Variants in SLITRK1 observed in about 807,000 individuals in gnomAD.
SLITRK1 encodes the protein SLIT and NTRK-like protein 1.
Under a neutral mutation model 42.4 loss-of-function variants are expected in SLITRK1, and 10 were observed. The ratio of observed to expected loss-of-function variants is 0.24; its 90% CI spans 0.15 to 0.40. The LOEUF (loss-of-function observed/expected upper bound fraction) is 0.40, where lower values mean the gene tolerates loss of function less well. SLITRK1 is among the 10% of genes least tolerant of loss of function. SLITRK1 has a pLI of 1.00. For synonymous variants in SLITRK1, 389 were observed against 365.7 expected (o/e 1.06, Z -0.73); for missense variants, 778 against 848.8 (o/e 0.92, Z 1.04).
rs1358534316 is a variant in SLITRK1, at chr13:83,879,927, G to A, written c.1581C>T (p.His527=). 6.2e-7 allele frequency: 1 copy of A among 1,613,982 alleles called. No individual in the cohort carries two copies. Among genetic ancestry groups the A allele is most frequent in the Non-Finnish European group, 8.5e-7 (1 of 1,180,040 alleles). Residue 527 remains histidine (H), a synonymous_variant, in exon 2 of 2, where the codon CAC becomes CAT. Transcript: ENST00000674365. ...TGCAGGAGCACTCCCAGGGGTTTCC[G>A]TGGAGGTCTATCTGGATGATGGAGG... ...QLTSIIQIDL[H]GNPWECSCTI...
In SLITRK1 at chr13:83,879,648, C is replaced by T. The variant is rs1186130397; in HGVS notation, c.1860G>A (p.Leu620=). ...CAAACACCAGCAGCAGTCCCGGGACCAACACCGAGATGGACACCCTGCTGG... is the reference window on the plus strand; with the variant it reads ...CAAACACCAGCAGCAGTCCCGGGACTAACACCGAGATGGACACCCTGCTGG... The part of the protein sequence containing the change: ...LDTSRVSISV[L]VPGLLLVFVT... Residue 620 remains leucine, a synonymous_variant, in exon 2 of 2, where the codon TTG becomes TTA. Coordinates refer to ENST00000674365, the MANE Select transcript of SLITRK1 (RefSeq NM_001281503.2). The T allele has an allele frequency of 6.2e-7, 1 of 1,613,102 alleles. No individual in the cohort carries two copies. The highest frequency in any genetic ancestry group is 1.3e-5 in the African/African-American group (1 of 74,612).
chr13:83,880,224 T>C lies in SLITRK1; in HGVS notation c.1284A>G (p.Leu428=), dbSNP rs200924568. 11 of 1,614,094 alleles carry C rather than the reference T, an allele frequency of 6.8e-6. No homozygotes were observed. The East Asian group carries it at 1.6e-4, about 23-fold the overall frequency. The change falls in exon 2 of 2, where the codon CTA becomes CTG. Residue 428 remains leucine, a synonymous_variant. Transcript: ENST00000674365. ...TFKNLLDLRW[L]YMDSNYLDTL... is the part of the protein sequence containing the mutation. Reference sequence around the variant, plus strand: ...TGTCCAGGTAATTGCTATCCATGTATAGCCACCTGAGGTCCAAAAGGTTCT... The same window carrying C: ...TGTCCAGGTAATTGCTATCCATGTACAGCCACCTGAGGTCCAAAAGGTTCT...
rs1215322549 is a variant in SLITRK1 at position 83,878,131 on chromosome 13, T to C, written c.*1286A>G. 2 of 152,314 alleles carry C rather than the reference T, an allele frequency of 1.3e-5. No homozygotes were observed. Among genetic ancestry groups the C allele is most frequent in the African/African-American group, 4.8e-5 (2 of 41,418 alleles). The allele number at this position is 152,314 out of a possible 1,614,324, so 9.4% of individuals were successfully genotyped here. On this transcript the variant is annotated 3_prime_UTR_variant, in exon 2 of 2. Coordinates refer to ENST00000674365, the MANE Select transcript of SLITRK1 (RefSeq NM_001281503.2). ...AAGGCGATTAGAGAAAGAGCCTTAATGTAGCTCAGGAAGGGATCTAACCCC... is the reference window on the plus strand; with the variant it reads ...AAGGCGATTAGAGAAAGAGCCTTAACGTAGCTCAGGAAGGGATCTAACCCC...
rs1447185569 is a variant in SLITRK1, at chr13:83,878,727, C to T, written c.*690G>A. ...GTTAACTTATGCTCTGAACTGCCTA[C>T]CGATCACAAATAATGGCGAAATGGC... On this transcript the variant is annotated 3_prime_UTR_variant, in exon 2 of 2. Coordinates refer to ENST00000674365, the MANE Select transcript of SLITRK1 (RefSeq NM_001281503.2). The T allele has an allele frequency of 6.5e-6, 1 of 152,710 alleles. No individual in the cohort carries two copies. Among genetic ancestry groups the T allele is most frequent in the Non-Finnish European group, 1.5e-5 (1 of 68,204 alleles). 9.5% of individuals were successfully genotyped at this position (152,710 alleles called of 1,614,324 possible). A position where few individuals can be genotyped will look rare whatever the true frequency, so the allele number is the denominator to read the frequency against.
rs1321481353 is a variant in SLITRK1 at position 83,880,206 on chromosome 13, G to A, written c.1302C>T (p.Tyr434=). 6.2e-7 allele frequency: 1 copy of A among 1,614,060 alleles called. No homozygotes were observed. Among genetic ancestry groups the A allele is most frequent in the Non-Finnish European group, 8.5e-7 (1 of 1,180,020 alleles). The stretch of plus-strand genomic sequence containing the variant: ...ATTTCTCCCGGGACAGCGTGTCCAG[G>A]TAATTGCTATCCATGTATAGCCACC... ...DLRWLYMDSN[Y]LDTLSREKFA... The change falls in exon 2 of 2, where the codon TAC becomes TAT. Residue 434 remains tyrosine, a synonymous_variant. Transcript: ENST00000674365.
Position 83,880,810 on chromosome 13 carries a change from T to A in SLITRK1, c.698A>T (p.Asn233Ile). 1 of 1,614,150 alleles carries A rather than the reference T, an allele frequency of 6.2e-7. No individual in the cohort carries two copies. The highest frequency in any genetic ancestry group is 8.5e-7 in the Non-Finnish European group (1 of 1,180,032). Residue 233 changes from asparagine to isoleucine, a missense_variant, in exon 2 of 2, where the codon AAT becomes ATT. Coordinates refer to ENST00000674365, the MANE Select transcript of SLITRK1 (RefSeq NM_001281503.2). ...LKEWLENIPK[N>I]ALIGRVVCEA... ...GCAGACCACTCGGCCGATCAGGGCA[T>A]TCTTGGGAATGTTTTCCAGCCATTC...
chr13:83,881,581 T>C, intron 1 of SLITRK1, 21 bp from the exon 2 acceptor site: 1 of 1,366,308 alleles, frequency 7.3e-7, no homozygotes. Context: ...CAGACACAAT[T>C]CAAGTTCATT....
chr13:83,879,608 T>A lies in SLITRK1; in HGVS notation c.1900A>T (p.Thr634Ser). ...LLLVFVTSAF[T>S]VVGMLVFILR... ...ATAAACACGAGCATGCCCACCACGG[T>A]GAAGGCGGAGGTGACAAACACCAGC... Residue 634 changes from threonine (T) to serine (S), a missense_variant, in exon 2 of 2, where the codon ACC (threonine) becomes TCC (serine). Thr to Ser is a moderately conservative substitution (Grantham distance 58). This residue lies in a region of SLITRK1 where 164 missense variants were observed against 158.2 expected (regional missense o/e 1.04). Transcript: ENST00000674365. 2 of 1,613,998 alleles carry A rather than the reference T, an allele frequency of 1.2e-6. No homozygotes were observed. Among genetic ancestry groups the A allele is most frequent in the Non-Finnish European group, 1.7e-6 (2 of 1,180,020 alleles).
Position 83,879,358 on chromosome 13 carries a change from C to T in SLITRK1, c.*59G>A. The T allele has an allele frequency of 6.2e-7, 1 of 1,601,474 alleles. No homozygotes were observed. ...ACACGCCCCTCCAGCCCCCGGGGTG[C>T]CTGCGGTGGGGAAGGATGTATCGCC... On this transcript the variant is annotated 3_prime_UTR_variant, in exon 2 of 2. Transcript: ENST00000674365.
At position 83,882,211 on chromosome 13, in the gene SLITRK1, T is replaced by A. The variant is rs1884830754; in HGVS notation, c.-261A>T. ...CCGCAATCGCTGCGTTTTGTGGTTG[T>A]CCATCCTTTTCCTTTCCTCCCCTTC... On this transcript the variant is annotated 5_prime_UTR_variant, in exon 1 of 2. Transcript: ENST00000674365. 6.0e-6 allele frequency: 1 copy of A among 166,960 alleles called. No individual in the cohort carries two copies. Among genetic ancestry groups the A allele is most frequent in the Non-Finnish European group, 1.5e-5 (1 of 68,164 alleles). 10.3% of individuals were successfully genotyped at this position (166,960 alleles called of 1,614,324 possible).
chr13:83,880,084 A>C lies in SLITRK1; in HGVS notation c.1424T>G (p.Ile475Ser). The C allele has an allele frequency of 6.2e-7, 1 of 1,613,838 alleles. No homozygotes were observed. ...GTFNAMPKLR[I>S]LILNNNLLRS... ...CAGCAGGTTGTTGTTGAGAATGAGG[A>C]TCCTCAGTTTGGGCATGGCATTGAA... Residue 475 changes from isoleucine to serine, a missense_variant, in exon 2 of 2, where the codon ATC (isoleucine) becomes AGC (serine). This residue lies in a region of SLITRK1 where 395 missense variants were observed against 360.4 expected (regional missense o/e 1.10). Transcript: ENST00000674365.
rs905653392 is a variant in SLITRK1, at chr13:83,880,024, G to C, written c.1484C>G (p.Ser495Trp). Residue 495 changes from serine (S) to tryptophan (W), a missense_variant, in exon 2 of 2, where the codon TCG (serine) becomes TGG (tryptophan). Ser to Trp is a radical substitution (Grantham distance 177). This residue lies in a region of SLITRK1 where 395 missense variants were observed against 360.4 expected (regional missense o/e 1.10). Transcript: ENST00000674365. The part of the protein sequence containing the change: ...SLPVDVFAGV[S>W]LSKLSLHNNY... ...GTTGTGCAGGCTGAGTTTAGAGAGC[G>C]AGACCCCAGCGAACACGTCCACAGG... The C allele has an allele frequency of 6.2e-7, 1 of 1,614,048 alleles. No individual in the cohort carries two copies. Among genetic ancestry groups the C allele is most frequent in the Non-Finnish European group, 8.5e-7 (1 of 1,179,998 alleles).
In SLITRK1 at chr13:83,880,905, G is replaced by A. The variant is rs1306700895; in HGVS notation, c.603C>T (p.Ile201=). 1 of 1,614,078 alleles carries A rather than the reference G, an allele frequency of 6.2e-7. No homozygotes were observed. Among genetic ancestry groups the A allele is most frequent in the Admixed American group, 1.7e-5 (1 of 60,020 alleles). The part of the protein sequence containing the change: ...TLPYEEVLEQ[I]PGIAEILLED... The stretch of plus-strand genomic sequence containing the variant: ...CTAGCAGGATCTCCGCAATACCAGG[G>A]ATTTGCTCCAAGACCTCCTCATAGG... Residue 201 remains isoleucine, a synonymous_variant, in exon 2 of 2, where the codon ATC becomes ATT. Coordinates refer to ENST00000674365, the MANE Select transcript of SLITRK1 (RefSeq NM_001281503.2).
At chr13:83,881,630 AGGGTTTGG>A in intron 1 of SLITRK1, 70 bp from the exon 2 acceptor site, 1 of 435,620 alleles carries the variant, frequency 2.3e-6, no homozygotes, top group Non-Finnish European at 4.5e-6. Flanking sequence ...GGAGAAGAAA[AGGGTTTGG>A]GGGGGTGGGG....
Position 83,881,520 on chromosome 13 carries a change from C to A in SLITRK1, c.-13G>T, listed in dbSNP as rs767103489. 9.4e-6 allele frequency: 15 copies of A among 1,602,584 alleles called. No individual in the cohort carries two copies. The highest frequency in any genetic ancestry group is 8.5e-7 in the Non-Finnish European group (1 of 1,173,038). ...TCCAAAGCAGCATTTTTAAAGCGAG[C>A]AATTCATCCCCGATCTCATCACAAA... On this transcript the variant is annotated 5_prime_UTR_variant, in exon 2 of 2. Transcript: ENST00000674365.
At position 83,879,423 on chromosome 13, in the gene SLITRK1, T is replaced by C. The variant is rs1253708946; in HGVS notation, c.2085A>G (p.Ser695=). ...CCCTATTGGGGTTGGGGTCTTAGTC[T>C]GAGAGCGAGTGAGAGCCACAGTCAT... ...RVYDCGSHSL[S]D is the part of the protein sequence containing the mutation. Residue 695 remains serine, a synonymous_variant, in exon 2 of 2, where the codon TCA becomes TCG. Transcript: ENST00000674365. 5.0e-6 allele frequency: 8 copies of C among 1,613,012 alleles called. No individual in the cohort carries two copies. The highest frequency in any genetic ancestry group is 4.5e-5 in the East Asian group (2 of 44,876).
Position 83,879,039 on chromosome 13 carries a change from T to C in SLITRK1, c.*378A>G, listed in dbSNP as rs1884747936. 4.7e-6 allele frequency: 1 copy of C among 213,266 alleles called. No individual in the cohort carries two copies. The highest frequency in any genetic ancestry group is 8.3e-5 in the South Asian group (1 of 11,992). 13.2% of individuals were successfully genotyped at this position (213,266 alleles called of 1,614,324 possible). ...CACAGGGGAAAAATAGATATCTATC[T>C]CTCTATATAGATGTGGATATATGTA... On this transcript the variant is annotated 3_prime_UTR_variant, in exon 2 of 2. Transcript: ENST00000674365.
rs1884829051 is a variant in SLITRK1, at chr13:83,882,142, G to T, written c.-192C>A. Reference sequence around the variant, plus strand: ...TTCCCCCGGTGCTGAAATCACGCCCGACCGAAGGACTCACGCTGCCCAGCC... The same window carrying T: ...TTCCCCCGGTGCTGAAATCACGCCCTACCGAAGGACTCACGCTGCCCAGCC... On this transcript the variant is annotated 5_prime_UTR_variant, in exon 1 of 2. Coordinates refer to ENST00000674365, the MANE Select transcript of SLITRK1 (RefSeq NM_001281503.2). The T allele has an allele frequency of 6.0e-6, 1 of 167,082 alleles. No homozygotes were observed. Among genetic ancestry groups the T allele is most frequent in the Admixed American group, 6.5e-5 (1 of 15,276 alleles). 10.3% of individuals were successfully genotyped at this position (167,082 alleles called of 1,614,324 possible). A position where few individuals can be genotyped will look rare whatever the true frequency, so the allele number is the denominator to read the frequency against.
rs1423354664 is a variant in SLITRK1, at chr13:83,878,559, A to G, written c.*858T>C. The stretch of plus-strand genomic sequence containing the variant: ...AAAGACCCCCTGAAAAAAATAAAAT[A>G]AAATAAAACATCACCATCAAAATAA... On this transcript the variant is annotated 3_prime_UTR_variant, in exon 2 of 2. Transcript: ENST00000674365. 6.6e-6 allele frequency: 1 copy of G among 152,562 alleles called. No homozygotes were observed. Among genetic ancestry groups the G allele is most frequent in the African/African-American group, 2.4e-5 (1 of 41,448 alleles). The allele number at this position is 152,562 out of a possible 1,614,324, so 9.5% of individuals were successfully genotyped here. A position where few individuals can be genotyped will look rare whatever the true frequency, so the allele number is the denominator to read the frequency against.
Sources: allele counts gnomAD v4.1 joint callset, GRCh38; gene constraint gnomAD v4.1.1; regional missense constraint gnomAD v4.1.1; transcripts MANE v1.5; gene names NCBI Gene and HGNC (gene_info 2026-07-23, HGNC 2026-07-21).